SACS: variants seen among roughly 807,000 people sequenced by gnomAD.
SACS encodes sacsin molecular chaperone.
Under a neutral mutation model 348.0 loss-of-function variants are expected in SACS, and 197 were observed. The observed-to-expected ratio is 0.57, with a 90% CI of 0.50 to 0.64. SACS has a LOEUF of 0.64. Ranked by LOEUF, SACS falls within the 30% of genes least tolerant of loss-of-function variation. The pLI, the probability that SACS is intolerant of heterozygous loss-of-function variation, is 0.00. For missense variants in SACS, 4,999 were observed against 5,360.8 expected (o/e 0.93, Z 2.11); for synonymous variants, 1,985 against 1,910.6 (o/e 1.04, Z -1.02).
intron 9 of SACS, among the ~76,000 whole-genome samples, chr13:23,347,887 A>G (rs1055221083): frequency 2.0e-5 from 3 of 152,194 alleles, no homozygotes; most frequent in African/African-American, 7.2e-5. Flanking sequence ...AAAATAGCAA[A>G]TATCAATAGA....
At position 23,389,028 on chromosome 13, in the gene SACS, G is replaced by A. The variant is rs144552067; in HGVS notation, c.21-13759C>T. On this transcript the variant is annotated intron_variant, in intron 2 of 9. Transcript: ENST00000382292. ...CATGAGTTTTCTATGGACAAGGCAT[G>A]GAGCTGAATGTCTTACATTCTTTAT... Among the ~76,000 whole-genome samples the A allele has an allele frequency of 7.2e-5, 11 of 152,200 alleles. No individual in the cohort carries two copies. In the East Asian group the frequency reaches 2.1e-3, roughly 29 times the overall value.
At chr13:23,398,370 T>C (rs1359598448) in intron 2 of SACS, among the ~76,000 whole-genome samples, 1 of 149,510 alleles carries the variant, frequency 6.7e-6, no homozygotes. Flanking sequence ...CCATCTCTAC[T>C]AAAAATATAA....
In SACS at chr13:23,341,274, T is replaced by C. The variant is rs142284018; in HGVS notation, c.2602A>G (p.Ile868Val). 123 of 1,613,676 alleles carry C rather than the reference T, an allele frequency of 7.6e-5. No individual in the cohort carries two copies. The African/African-American group carries it at 1.4e-3, about 18-fold the overall frequency. ...SIQHPLIKKY[I>V]HSPLPSAVLQ... The stretch of plus-strand genomic sequence containing the variant: ...ACAGCACTTGGTAATGGTGAATGAA[T>C]ATATTTTTTAATAAGCGGATGTTGT... Residue 868 changes from isoleucine to valine, a missense_variant, in exon 10 of 10, where the codon ATT (isoleucine) becomes GTT (valine). Physicochemically the swap from Ile to Val is conservative, Grantham distance 29. Transcript: ENST00000382292.
rs150051890 is a variant in SACS, at chr13:23,391,319, A to G, written c.21-16050T>C. Among the ~76,000 whole-genome samples, 697 of 152,252 alleles carry G rather than the reference A, an allele frequency of 4.6e-3. 3 individuals carry two copies. The highest frequency in any genetic ancestry group is 7.4e-3 in the Non-Finnish European group (501 of 68,016). The stretch of plus-strand genomic sequence containing the variant: ...TCCAAGCATCTTTCCACAGACTCCA[A>G]ATGTCTTCCCTTTGCCCCTGAGGCT... On this transcript the variant is annotated intron_variant, in intron 2 of 9. Transcript: ENST00000382292.
intron 6 of SACS, among the ~76,000 whole-genome samples, chr13:23,359,407 G>A (rs1870599794): frequency 7.3e-6 from 1 of 136,636 alleles, no homozygotes; most frequent in Non-Finnish European, 1.7e-5. Context: ...CACCTTGTAA[G>A]TGTTTGAAGT....
Position 23,332,327 on chromosome 13 carries a change from G to C in SACS, c.11549C>G (p.Thr3850Ser), listed in dbSNP as rs1555249859. Residue 3850 changes from threonine to serine, a missense_variant, in exon 10 of 10, where the codon ACT (threonine) becomes AGT (serine). By Grantham distance (58) the Thr-to-Ser change is moderately conservative. This residue lies in a region of SACS where 831 missense variants were observed against 941.8 expected (regional missense o/e 0.88). Coordinates refer to ENST00000382292, the MANE Select transcript of SACS (RefSeq NM_014363.6). ...KHLGTEDIIS[T>S]KQYVEVLSRI... Reference sequence around the variant, plus strand: ...GCTCAACACTTCAACATATTGCTTAGTTGAAATAATATCTTCAGTACCTAA... The same window carrying C: ...GCTCAACACTTCAACATATTGCTTACTTGAAATAATATCTTCAGTACCTAA... 1 of 1,613,862 alleles carries C rather than the reference G, an allele frequency of 6.2e-7. No individual in the cohort carries two copies. Among genetic ancestry groups the C allele is most frequent in the Non-Finnish European group, 8.5e-7 (1 of 1,179,932 alleles).
chr13:23,374,496 T>C (rs1204768660), intron 3 of SACS, among the ~76,000 whole-genome samples: 2 of 152,248 alleles, frequency 1.3e-5, no homozygotes, highest in Non-Finnish European at 2.9e-5. Flanking sequence ...TTAAAAGAGT[T>C]AACTGTCAGT....
rs1870333426 is a variant in SACS, at chr13:23,355,701, T to C, written c.911A>G (p.Asp304Gly). The change falls in exon 8 of 10, where the codon GAC (aspartate) becomes GGC (glycine). Residue 304 changes from aspartate to glycine, a missense_variant. Coordinates refer to ENST00000382292, the MANE Select transcript of SACS (RefSeq NM_014363.6). ...ELFESFRADA[D>G]TVLLFLKSVQ... is the part of the protein sequence containing the mutation. ...ACTTTTCAGAAAGAGCAGCACTGTGTCTGCATCTGCCCTAAAAGACTCAAA... is the reference window on the plus strand; with the variant it reads ...ACTTTTCAGAAAGAGCAGCACTGTGCCTGCATCTGCCCTAAAAGACTCAAA... The C allele has an allele frequency of 1.2e-6, 2 of 1,614,054 alleles. No individual in the cohort carries two copies. The highest frequency in any genetic ancestry group is 1.7e-6 in the Non-Finnish European group (2 of 1,180,038).
intron 1 of SACS, among the ~76,000 whole-genome samples, chr13:23,430,249 T>C (rs1352021460): frequency 6.6e-6 from 1 of 152,036 alleles, no homozygotes; most frequent in Admixed American, 6.6e-5. Flanking sequence ...GAATATTTGG[T>C]GTAATTGACA....
intron 1 of SACS, among the ~76,000 whole-genome samples, chr13:23,420,454 G>C (rs1306052252): frequency 1.3e-5 from 2 of 152,056 alleles, no homozygotes; most frequent in Non-Finnish European, 2.9e-5. Flanking sequence ...GTCTACCTTG[G>C]GCCTAATGTC....
At chr13:23,422,626 A>G (rs10507330) in intron 1 of SACS, among the ~76,000 whole-genome samples, 23,047 of 151,932 alleles carry the variant, frequency 0.15, 2,694 homozygotes, top group African/African-American at 0.33. Flanking sequence ...TAACTAAAAC[A>G]GTCTGTGTGC....
Position 23,354,807 on chromosome 13 carries a change from G to A in SACS, c.1805C>T (p.Ala602Val). ...NYLQSSGKQI[A>V]KVPGNVDAAV... ...AGCATCCACATTCCCTGGTACCTTG[G>A]CAATCTGCTTCCCTGAGCTCTGGAG... The change falls in exon 8 of 10, where the codon GCC becomes GTC. Residue 602 changes from alanine (A) to valine (V), a missense_variant. Physicochemically the swap from Ala to Val is moderately conservative, Grantham distance 64. Around this residue, in one of 6 missense-constraint regions of SACS, gnomAD observed 3,156 missense variants for 3,380.1 expected, o/e 0.93. Transcript: ENST00000382292. 2 of 1,614,194 alleles carry A rather than the reference G, an allele frequency of 1.2e-6. No individual in the cohort carries two copies. The highest frequency in any genetic ancestry group is 1.7e-6 in the Non-Finnish European group (2 of 1,180,042).
At chr13:23,371,045 T>C (rs1329697085) in intron 4 of SACS, 33 bp downstream of exon 4, 1 of 1,322,108 alleles carries the variant, frequency 7.6e-7, no homozygotes, top group African/African-American at 1.5e-5. Flanking sequence ...CAACCCAACA[T>C]GGTATATACT....
intron 2 of SACS, among the ~76,000 whole-genome samples, chr13:23,386,593 A>G (rs772753881): frequency 1.3e-5 from 2 of 152,198 alleles, no homozygotes; most frequent in African/African-American, 2.4e-5. Flanking sequence ...TTGCTTTCTT[A>G]TAGTTTCTGT....
Position 23,336,900 on chromosome 13 carries a change from C to A in SACS, c.6976G>T (p.Ala2326Ser), listed in dbSNP as rs970464543. The part of the protein sequence containing the change: ...TNACYKYLHE[A>S]LMQNEITKMS... ...TTAGTGATTTCATTTTGCATCAAGG[C>A]TTCATGAAGGTATTTGTAGCAAGCA... The change falls in exon 10 of 10, where the codon GCC becomes TCC. Residue 2326 changes from alanine to serine, a missense_variant. Ala to Ser is a moderately conservative substitution (Grantham distance 99). Transcript: ENST00000382292. The A allele has an allele frequency of 6.2e-7, 1 of 1,613,710 alleles. No individual in the cohort carries two copies.
intron 2 of SACS, among the ~76,000 whole-genome samples, chr13:23,388,376 C>T (rs1450494733): frequency 6.9e-6 from 1 of 144,416 alleles, no homozygotes; most frequent in Non-Finnish European, 1.5e-5. Flanking sequence ...TGGAACCAAT[C>T]GAAGTCCCCA....
At chr13:23,364,919 A>T (rs1870968398) in intron 6 of SACS, among the ~76,000 whole-genome samples, 2 of 152,220 alleles carry the variant, frequency 1.3e-5, no homozygotes, top group Non-Finnish European at 2.9e-5. Flanking sequence ...GTTTGAATAG[A>T]ATAAGAGGCT....
Position 23,333,498 on chromosome 13 carries a change from T to C in SACS, c.10378A>G (p.Lys3460Glu), listed in dbSNP as rs1420315962. 3 of 1,613,276 alleles carry C rather than the reference T, an allele frequency of 1.9e-6. No individual in the cohort carries two copies. The highest frequency in any genetic ancestry group is 2.5e-6 in the Non-Finnish European group (3 of 1,179,552). Residue 3460 changes from lysine to glutamate, a missense_variant, in exon 10 of 10, where the codon AAA becomes GAA. This residue lies in a region of SACS where 734 missense variants were observed against 694.0 expected (regional missense o/e 1.06). Coordinates refer to ENST00000382292, the MANE Select transcript of SACS (RefSeq NM_014363.6). ...CAACCAATCACCTCATATAGTTCTT[T>C]TAAGTGTATTTTTTCTTCAAGAAAT... ...SAFLEEKIHL[K>E]ELYEVIGCVP...
At chr13:23,387,225 C>T (rs1291079982) in intron 2 of SACS, among the ~76,000 whole-genome samples, 1 of 151,736 alleles carries the variant, frequency 6.6e-6, no homozygotes, top group Non-Finnish European at 1.5e-5. Flanking sequence ...TTTGGGAGGC[C>T]GAGGAAGGCA....
Sources: allele counts gnomAD v4.1 joint callset (sites outside exome capture counted in the v4.1 genomes callset), GRCh38; gene constraint gnomAD v4.1.1; regional missense constraint gnomAD v4.1.1; transcripts MANE v1.5; gene names NCBI Gene and HGNC (gene_info 2026-07-23, HGNC 2026-07-21).